Variants in TNNT1 observed in about 807,000 individuals in gnomAD.
TNNT1 encodes the protein troponin T, slow skeletal muscle.
In TNNT1, 53 loss-of-function variants were observed where a neutral mutation model predicts 50.6. That is an observed-to-expected ratio of 1.05 (90% CI 0.84 to 1.32). The LOEUF is 1.32. Ranked by LOEUF, TNNT1 falls within the 40% of genes most tolerant of loss-of-function variation. TNNT1 has a pLI of 0.00. For missense variants in TNNT1, 348 were observed against 381.7 expected (o/e 0.91, Z 0.74); for synonymous variants, 142 against 138.0 (o/e 1.03, Z -0.20).
At chr19:55,137,838 G>A (rs2085381120) in intron 10 of TNNT1, 123 bp downstream of exon 10, 2 of 1,243,892 alleles carry the variant, frequency 1.6e-6, no homozygotes, top group African/African-American at 3.1e-5. Context: ...TCAGGGCCCA[G>A]CCCCTCCTCC....
intron 7 of TNNT1, 24 bp downstream of exon 7, chr19:55,141,833 G>A (rs1228193868): frequency 6.2e-7 from 1 of 1,613,648 alleles, no homozygotes; most frequent in Admixed American, 1.7e-5. Context: ...AACTGCGCCT[G>A]CGGAGGGGTC....
At position 55,141,216 on chromosome 19, in the gene TNNT1, T is replaced by C. The variant is rs34313388; in HGVS notation, c.279A>G (p.Glu93=). The C allele has an allele frequency of 4.9e-4, 786 of 1,614,226 alleles. 6 individuals are homozygous for C. The African/African-American group carries it at 9.1e-3, about 19-fold the overall frequency. The change falls in exon 8 of 14, where the codon GAA becomes GAG. Residue 93 remains glutamate, a synonymous_variant. Transcript: ENST00000588981. ...GCTCCTTCAAGGCAACCAGCTCCTC[T>C]TCCTCCTTCTTCCGCTGCTCGAAAT... ...DVHFEQRKKE[E]EELVALKERI... is the part of the protein sequence containing the mutation.
chr19:55,140,826 A>G, intron 9 of TNNT1, 57 bp downstream of exon 9: 2 of 1,300,444 alleles, frequency 1.5e-6, no homozygotes, highest in Middle Eastern at 2.6e-4. Context: ...TAATAACAAA[A>G]TGGGCATCCG....
At position 55,145,556 on chromosome 19, in the gene TNNT1, C is replaced by T. The variant is rs1599891643; in HGVS notation, c.116G>A (p.Arg39His). The change falls in exon 6 of 14, where the codon CGC becomes CAC. Residue 39 changes from arginine to histidine, a missense_variant. Coordinates refer to ENST00000588981, the MANE Select transcript of TNNT1 (RefSeq NM_003283.6). ...TGTAGGATCTCACCTTGGTTTGGGG[C>T]GTTCCTCTTCTGTTGGTGGTGGGGG... ...PEPVAEPEEERPKPSRPVVPP... is the reference protein window; with the variant it reads ...PEPVAEPEEEHPKPSRPVVPP... 6 of 1,613,410 alleles carry T rather than the reference C, an allele frequency of 3.7e-6. No individual in the cohort carries two copies. The highest frequency in any genetic ancestry group is 2.5e-6 in the Non-Finnish European group (3 of 1,179,668).
At chr19:55,138,631 AG>A (rs1024825383) in intron 9 of TNNT1, among the ~76,000 whole-genome samples, 6 of 152,144 alleles carry the variant, frequency 3.9e-5, no homozygotes, top group African/African-American at 1.4e-4. Flanking sequence ...AAGGAGAAGA[AG>A]AAATGCCTGC....
chr19:55,143,094 C>T (rs996383272), intron 6 of TNNT1, among the ~76,000 whole-genome samples: 1 of 151,134 alleles, frequency 6.6e-6, no homozygotes, highest in East Asian at 2.0e-4. Flanking sequence ...GCTTGAACCC[C>T]GGAGGCAGAG....
chr19:55,134,910 G>A (rs886730177), intron 11 of TNNT1, among the ~76,000 whole-genome samples: 4 of 149,726 alleles, frequency 2.7e-5, no homozygotes, highest in Non-Finnish European at 5.9e-5. Context: ...GCAGTTAGAA[G>A]CCCCTGGTTC....
In TNNT1 at chr19:55,146,481, G is replaced by T; in HGVS notation, c.74-15C>A. 1 of 1,313,726 alleles carries T rather than the reference G, an allele frequency of 7.6e-7. No individual in the cohort carries two copies. Among genetic ancestry groups the T allele is most frequent in the Non-Finnish European group, 9.9e-7 (1 of 1,013,934 alleles). 81.4% of individuals were successfully genotyped at this position (1,313,726 alleles called of 1,614,324 possible). The stretch of plus-strand genomic sequence containing the variant: ...CTCTTCGGGGGCTGGGGAGGGGAGG[G>T]AGGAGCAGCGAGGGTTTGGGGAGCG... On this transcript the variant is annotated splice_polypyrimidine_tract_variant and intron_variant, in intron 4 of 13. Transcript: ENST00000588981.
chr19:55,137,918 C>A, intron 10 of TNNT1, 43 bp downstream of exon 10: 2 of 1,611,916 alleles, frequency 1.2e-6, no homozygotes, highest in Non-Finnish European at 1.7e-6. Flanking sequence ...CCAGCCCCTG[C>A]CCCCTCAGAA....
chr19:55,133,683 A>T, intron 13 of TNNT1: 3 of 603,212 alleles, frequency 5.0e-6, no homozygotes, highest in East Asian at 2.9e-5. Context: ...GTCTCAATAA[A>T]AAAAAAAAAA....
At chr19:55,147,588 A>G (rs985756429) in intron 1 of TNNT1, among the ~76,000 whole-genome samples, 10 of 4,512 alleles carry the variant, frequency 2.2e-3, no homozygotes, top group Non-Finnish European at 3.2e-3. Context: ...CTGAGGGAGG[A>G]GGGGCTGGGG....
At chr19:55,140,638 G>A (rs1404161390) in intron 9 of TNNT1, 13 of 197,650 alleles carry the variant, frequency 6.6e-5, no homozygotes, top group African/African-American at 1.6e-4. Flanking sequence ...TTAGCCGGGC[G>A]TGGTGGTGCG....
At chr19:55,145,401 GGGA>G (rs549817331) in intron 6 of TNNT1, 140 bp downstream of exon 6, 962 of 719,964 alleles carry the variant, frequency 1.3e-3, no homozygotes, top group South Asian at 1.8e-3. Context: ...GAAAGGGGGA[GGGA>G]GGAGGAGGAG....
chr19:55,147,355 T>G, intron 1 of TNNT1, 187 bp from the exon 2 acceptor site: 1 of 164,018 alleles, frequency 6.1e-6, no homozygotes, highest in Non-Finnish European at 1.1e-5. Context: ...CCTGGACTCC[T>G]GGGTCTGAGG....
chr19:55,142,606 G>A (rs1158339407), intron 6 of TNNT1, among the ~76,000 whole-genome samples: 9 of 149,590 alleles, frequency 6.0e-5, no homozygotes, highest in African/African-American at 1.7e-4. Context: ...ATGCAGTGGC[G>A]CCATCTCTGC....
chr19:55,146,669 C>A lies in TNNT1; in HGVS notation c.73+12G>T. 2 of 1,464,786 alleles carry A rather than the reference C, an allele frequency of 1.4e-6. No individual in the cohort carries two copies. Among genetic ancestry groups the A allele is most frequent in the Non-Finnish European group, 9.1e-7 (1 of 1,093,840 alleles). The allele number at this position is 1,464,786 out of a possible 1,614,324, so 90.7% of individuals were successfully genotyped here. ...CCCCCCAGCTCCAGACCTGCGGAGT[C>A]CGGGACCTCACCTTCCTCCTCCTCC... On this transcript the variant is annotated intron_variant, in intron 4 of 13. Coordinates refer to ENST00000588981, the MANE Select transcript of TNNT1 (RefSeq NM_003283.6).
At chr19:55,133,994 C>T in intron 12 of TNNT1, 67 bp from the exon 13 acceptor site, 3 of 1,612,854 alleles carry the variant, frequency 1.9e-6, no homozygotes, top group Non-Finnish European at 2.5e-6. Flanking sequence ...CCCACCCCTG[C>T]CTGGAGTTTG....
chr19:55,133,979 G>A, intron 12 of TNNT1, 52 bp from the exon 13 acceptor site: 1 of 1,612,340 alleles, frequency 6.2e-7, no homozygotes, highest in Non-Finnish European at 8.5e-7. Flanking sequence ...CGTGGGGACG[G>A]GCCACCCACC....
intron 9 of TNNT1, among the ~76,000 whole-genome samples, chr19:55,138,363 C>T (rs891194482): frequency 3.9e-5 from 6 of 151,966 alleles, no homozygotes; most frequent in Admixed American, 2.0e-4. Context: ...CTGCAACCTC[C>T]GCCTCCCGGG....
Sources: allele counts gnomAD v4.1 joint callset (sites outside exome capture counted in the v4.1 genomes callset), GRCh38; gene constraint gnomAD v4.1.1; transcripts MANE v1.5; gene names NCBI Gene and HGNC (gene_info 2026-07-23, HGNC 2026-07-21).